NAALADL2: variants seen among roughly 807,000 people sequenced by gnomAD.
NAALADL2 encodes the protein N-acetylated alpha-linked acidic dipeptidase like 2, also known as inactive N-acetylated-alpha-linked acidic dipeptidase-like protein 2.
Under a neutral mutation model 87.2 loss-of-function variants are expected in NAALADL2, and 76 were observed. The observed-to-expected ratio is 0.87, with a 90% CI of 0.72 to 1.05. The LOEUF is 1.05. Ranked by LOEUF, NAALADL2 falls within the 50% of genes least tolerant of loss-of-function variation. The pLI is 0.00. For missense variants in NAALADL2, 1,089 were observed against 945.8 expected (o/e 1.15, Z -1.99); for synonymous variants, 354 against 331.0 (o/e 1.07, Z -0.75).
At chr3:175,773,890 A>G (rs1295073129) in intron 13 of NAALADL2, among the ~76,000 whole-genome samples, 19 of 152,070 alleles carry the variant, frequency 1.2e-4, no homozygotes, top group Non-Finnish European at 2.2e-4. Context: ...GAAGCCAACT[A>G]TATAGCCACT....
intron 9 of NAALADL2, among the ~76,000 whole-genome samples, chr3:175,560,069 G>A (rs1716018160): frequency 6.6e-6 from 1 of 152,128 alleles, no homozygotes; most frequent in African/African-American, 2.4e-5. Flanking sequence ...TGGAGTCCAA[G>A]GCTTTTCTTT....
chr3:175,522,307 G>T (rs151261174), intron 9 of NAALADL2, among the ~76,000 whole-genome samples: 1 of 151,946 alleles, frequency 6.6e-6, no homozygotes, highest in Non-Finnish European at 1.5e-5. Flanking sequence ...ACAAATATTC[G>T]TTGAATGCTC....
rs146174743 is a variant in NAALADL2, at chr3:174,675,874, C to T, written c.-114-61767C>T. ...TTAGCACAGTAAATTCCAATGTCCA[C>T]AGACAACCTCCTAGAAAATGAAGAA... On this transcript the variant is annotated intron_variant, in intron 2 of 3. Transcript: ENST00000434257. 2.8e-4 allele frequency among the ~76,000 whole-genome samples: 43 copies of T among 152,170 alleles called. 1 individual carries two copies. In the East Asian group the frequency reaches 4.2e-3, roughly 15 times the overall value.
intron 1 of NAALADL2, among the ~76,000 whole-genome samples, chr3:174,988,677 TG>T (rs1221874056): frequency 1.3e-5 from 2 of 152,186 alleles, no homozygotes; most frequent in African/African-American, 4.8e-5. Context: ...TCTTGGCTTG[TG>T]ACAGCATAAC....
At chr3:175,114,160 T>C (rs1724703801) in intron 2 of NAALADL2, among the ~76,000 whole-genome samples, 1 of 151,542 alleles carries the variant, frequency 6.6e-6, no homozygotes. Flanking sequence ...GAGAGGAAAA[T>C]ATACCACCAT....
At chr3:175,268,103 C>T (rs1325103069) in intron 4 of NAALADL2, among the ~76,000 whole-genome samples, 4 of 152,122 alleles carry the variant, frequency 2.6e-5, no homozygotes, top group African/African-American at 4.8e-5. Context: ...AGAAATGCCT[C>T]ATTAGATGAT....
At position 175,438,277 on chromosome 3, in the gene NAALADL2, G is replaced by T. The variant is rs192064281; in HGVS notation, c.1091-8952G>T. 2.7e-3 allele frequency among the ~76,000 whole-genome samples: 414 copies of T among 152,164 alleles called. 7 individuals carry two copies. Among genetic ancestry groups the T allele is most frequent in the Non-Finnish European group, 1.1e-3 (78 of 67,980 alleles). ...AAAATGGTAATATTTATAACAGTGGGCTGTAAGATACTGAAATAATAAAGG... is the reference window on the plus strand; with the variant it reads ...AAAATGGTAATATTTATAACAGTGGTCTGTAAGATACTGAAATAATAAAGG... On this transcript the variant is annotated intron_variant, in intron 5 of 13. Transcript: ENST00000454872.
intron 9 of NAALADL2, among the ~76,000 whole-genome samples, chr3:175,499,272 A>C (rs1477741627): frequency 1.3e-5 from 2 of 152,152 alleles, no homozygotes; most frequent in Non-Finnish European, 2.9e-5. Context: ...AATGATTAAC[A>C]TGCTACTAAT....
intron 4 of NAALADL2, among the ~76,000 whole-genome samples, chr3:175,307,936 T>G (rs551729330): frequency 1.3e-5 from 2 of 152,300 alleles, no homozygotes; most frequent in South Asian, 4.1e-4. Flanking sequence ...GAGCAAAACT[T>G]ATTCAATTAA....
At chr3:175,536,018 C>T (rs1286928253) in intron 9 of NAALADL2, among the ~76,000 whole-genome samples, 2 of 152,124 alleles carry the variant, frequency 1.3e-5, no homozygotes, top group African/African-American at 4.8e-5. Flanking sequence ...TATCCCAGAT[C>T]GATCTGATAA....
Position 174,615,047 on chromosome 3 carries a change from T to C in NAALADL2, c.-115+64410T>C, listed in dbSNP as rs528393657. Among the ~76,000 whole-genome samples, 3 of 152,324 alleles carry C rather than the reference T, an allele frequency of 2.0e-5. No individual in the cohort carries two copies. The South Asian group carries it at 6.2e-4, about 32-fold the overall frequency. ...AGTGCATTTACCTCACATAGGTGAC[T>C]GTTTTTCTGCTGTAGGCCATTTTCT... On this transcript the variant is annotated intron_variant, in intron 2 of 3. Coordinates refer to the NAALADL2 transcript ENST00000434257.
At chr3:174,475,233 C>T (rs115431014) in intron 1 of NAALADL2, among the ~76,000 whole-genome samples, 1,961 of 151,588 alleles carry the variant, frequency 0.013, 27 homozygotes, top group Non-Finnish European at 0.019. Flanking sequence ...GAAAGGGAAC[C>T]GGTCATTAAG....
chr3:174,747,585 G>GCA (rs1341398041), intron 3 of NAALADL2, among the ~76,000 whole-genome samples: 2 of 122,958 alleles, frequency 1.6e-5, no homozygotes, highest in Non-Finnish European at 3.2e-5. Context: ...TTGCACCATT[G>GCA]CACTCCAGCC....
chr3:175,277,651 T>C (rs1240022706), intron 4 of NAALADL2, among the ~76,000 whole-genome samples: 1 of 152,186 alleles, frequency 6.6e-6, no homozygotes, highest in Non-Finnish European at 1.5e-5. Flanking sequence ...ATGGATTTTT[T>C]TCATCAGTAG....
intron 3 of NAALADL2, among the ~76,000 whole-genome samples, chr3:174,838,810 A>C (rs906053923): frequency 3.9e-5 from 6 of 152,206 alleles, no homozygotes; most frequent in African/African-American, 1.2e-4. Flanking sequence ...AAACCTCTAC[A>C]AAGGATACTA....
At chr3:174,640,558 G>A (rs1187208466) in intron 2 of NAALADL2, among the ~76,000 whole-genome samples, 2 of 152,212 alleles carry the variant, frequency 1.3e-5, no homozygotes, top group African/African-American at 4.8e-5. Context: ...CCTTGACAAT[G>A]TGGGCCAGCA....
chr3:174,728,100 C>T lies in NAALADL2; in HGVS notation c.-114-9541C>T, dbSNP rs532970247. ...ATATTCCATTGTATGGATGTACAAC[C>T]GTTTACTTATACATTCACCTCTAGG... is the stretch of plus-strand genomic sequence containing the variant. On this transcript the variant is annotated intron_variant, in intron 2 of 3. Coordinates refer to the NAALADL2 transcript ENST00000434257. 7.2e-5 allele frequency among the ~76,000 whole-genome samples: 11 copies of T among 152,010 alleles called. No individual in the cohort carries two copies. The South Asian group carries it at 1.0e-3, about 14-fold the overall frequency.
intron 5 of NAALADL2, among the ~76,000 whole-genome samples, chr3:175,401,443 C>T (rs775185019): frequency 2.6e-5 from 4 of 152,056 alleles, no homozygotes; most frequent in Middle Eastern, 3.2e-3. Flanking sequence ...TATGTACATA[C>T]AATCAAGTGT....
intron 1 of NAALADL2, among the ~76,000 whole-genome samples, chr3:174,482,416 A>T (rs1560008708): frequency 6.6e-6 from 1 of 152,052 alleles, no homozygotes; most frequent in Non-Finnish European, 1.5e-5. Flanking sequence ...TGAGCACTGA[A>T]AATATTATGA....
Sources: allele counts gnomAD v4.1 joint callset (sites outside exome capture counted in the v4.1 genomes callset), GRCh38; gene constraint gnomAD v4.1.1; transcripts MANE v1.5; gene names NCBI Gene and HGNC (gene_info 2026-07-23, HGNC 2026-07-21).